Variants in ANKRD30BL observed in about 807,000 individuals in gnomAD.
ANKRD30BL encodes the protein putative ankyrin repeat domain-containing protein 30B-like.
Under a neutral mutation model 18.4 loss-of-function variants are expected in ANKRD30BL, and 20 were observed. That is an observed-to-expected ratio of 1.09 (90% confidence interval 0.77 to 1.58). The LOEUF is 1.58. Ranked by LOEUF, ANKRD30BL falls within the 40% of genes most tolerant of loss-of-function variation. ANKRD30BL has a pLI of 0.00. For synonymous variants in ANKRD30BL, 72 were observed against 100.9 expected (o/e 0.71, Z 1.72); for missense variants, 224 against 268.6 (o/e 0.83, Z 1.16).
chr2:132,158,641 C>A (rs1687975204), intron 1 of ANKRD30BL, among the ~76,000 whole-genome samples: 1 of 150,784 alleles, frequency 6.6e-6, no homozygotes, highest in Non-Finnish European at 1.5e-5. Flanking sequence ...ATTCAGCTTA[C>A]ATGTGATAAA....
chr2:132,199,821 C>G (rs1466950970), intron 1 of ANKRD30BL, among the ~76,000 whole-genome samples: 1 of 151,868 alleles, frequency 6.6e-6, no homozygotes, highest in East Asian at 1.9e-4. Flanking sequence ...AGATTTTGAG[C>G]CTTTAAAGAG....
intron 1 of ANKRD30BL, among the ~76,000 whole-genome samples, chr2:132,241,818 G>C (rs200469169): frequency 2.0e-5 from 3 of 151,386 alleles, no homozygotes; most frequent in African/African-American, 7.3e-5. Flanking sequence ...GTGGATATTT[G>C]GATAGCTTTG....
intron 1 of ANKRD30BL, among the ~76,000 whole-genome samples, chr2:132,239,360 C>T (rs74351436): frequency 1.3e-5 from 2 of 152,038 alleles, no homozygotes; most frequent in Admixed American, 6.6e-5. Context: ...ATTCAACTCA[C>T]AGGGTTCAAC....
rs1436535284 is a variant in ANKRD30BL at position 132,161,634 on chromosome 2, C to T, written c.72G>A (p.Leu24=). The T allele has an allele frequency of 4.1e-6, 6 of 1,452,824 alleles. No homozygotes were observed. The highest frequency in any genetic ancestry group is 4.7e-6 in the Non-Finnish European group (5 of 1,059,928). The allele number at this position is 1,452,824 out of a possible 1,614,324, so 90.0% of individuals were successfully genotyped here. A position where few individuals can be genotyped will look rare whatever the true frequency, so the allele number is the denominator to read the frequency against. Residue 24 remains leucine (L), a synonymous_variant, in exon 1 of 6, where the codon CTG becomes CTA. Coordinates refer to ENST00000409867, the MANE Select transcript of ANKRD30BL (RefSeq NM_001358416.1). The stretch of plus-strand genomic sequence containing the variant: ...CGTAAGAGTCGTTGTTGGTGTAGAC[C>T]AGCTGACTGAAGGGGCTCGGGCGCT... ...GPERPSPFSQ[L]VYTNNDSYVI...
rs540025272 is a variant in ANKRD30BL at position 132,148,669 on chromosome 2, C to T, written c.680-441G>A. Among the ~76,000 whole-genome samples the T allele has an allele frequency of 3.9e-4, 60 of 152,128 alleles. No individual in the cohort carries two copies. In the South Asian group the frequency reaches 0.012, roughly 32 times the overall value. ...ACAGGAGTGAGCCACCGCTCCTGGA[C>T]ACTACCAAACTTTTTAAAGCTTTAA... On this transcript the variant is annotated intron_variant, in intron 5 of 5. Coordinates refer to ENST00000409867, the MANE Select transcript of ANKRD30BL (RefSeq NM_001358416.1).
intron 1 of ANKRD30BL, among the ~76,000 whole-genome samples, chr2:132,210,318 G>A (rs1380329616): frequency 2.0e-5 from 3 of 152,052 alleles, no homozygotes; most frequent in Non-Finnish European, 4.4e-5. Flanking sequence ...TGTAGAATCT[G>A]CAAGTGGATA....
chr2:132,171,147 T>G (rs1193983114), intron 1 of ANKRD30BL, among the ~76,000 whole-genome samples: 1 of 115,072 alleles, frequency 8.7e-6, no homozygotes, highest in Non-Finnish European at 1.7e-5. Context: ...AGAGCCAGAC[T>G]CTGTCTCAAA....
chr2:132,246,752 A>C (rs148745145), intron 1 of ANKRD30BL, among the ~76,000 whole-genome samples: 1 of 151,918 alleles, frequency 6.6e-6, no homozygotes, highest in African/African-American at 2.4e-5. Context: ...CCTTTTGTGG[A>C]ATCTGTAATT....
chr2:132,161,414 C>A, intron 1 of ANKRD30BL, 74 bp downstream of exon 1: 4 of 1,352,438 alleles, frequency 3.0e-6, no homozygotes, highest in Non-Finnish European at 4.1e-6. Context: ...GACCCCCAGG[C>A]CCCACTCTGA....
chr2:132,160,293 G>C (rs947131408), intron 1 of ANKRD30BL, among the ~76,000 whole-genome samples: 1 of 150,724 alleles, frequency 6.6e-6, no homozygotes, highest in African/African-American at 2.4e-5. Context: ...TAGATTTGAG[G>C]TTTCACTATA....
At chr2:132,190,071 T>G (rs1035113029) in intron 1 of ANKRD30BL, among the ~76,000 whole-genome samples, 4 of 152,040 alleles carry the variant, frequency 2.6e-5, no homozygotes, top group Non-Finnish European at 5.9e-5. Flanking sequence ...TATTCTCACC[T>G]TTGAGTATCT....
chr2:132,252,388 C>A (rs79155285), intron 1 of ANKRD30BL, among the ~76,000 whole-genome samples: 2 of 152,236 alleles, frequency 1.3e-5, no homozygotes, highest in Non-Finnish European at 2.9e-5. Context: ...CCAGAGCTGG[C>A]GGTGGGCACA....
intron 1 of ANKRD30BL, among the ~76,000 whole-genome samples, chr2:132,221,046 C>T (rs1388097757): frequency 0.036 from 5,307 of 147,954 alleles, 68 homozygotes; most frequent in African/African-American, 0.13. Flanking sequence ...CGCCTCTGCC[C>T]GGCCGCCCCG....
At chr2:132,222,958 G>T (rs955200779) in intron 1 of ANKRD30BL, among the ~76,000 whole-genome samples, 1 of 148,928 alleles carries the variant, frequency 6.7e-6, no homozygotes, top group South Asian at 2.2e-4. Flanking sequence ...AAACTAGACA[G>T]AAGTATTCTC....
chr2:132,202,322 A>T (rs924043150), intron 1 of ANKRD30BL, among the ~76,000 whole-genome samples: 5 of 149,096 alleles, frequency 3.4e-5, no homozygotes, highest in African/African-American at 1.2e-4. Context: ...TCACCAAAAA[A>T]ATAAATAAAT....
intron 1 of ANKRD30BL, among the ~76,000 whole-genome samples, chr2:132,231,016 C>T (rs1679995155): frequency 6.6e-6 from 1 of 152,074 alleles, no homozygotes; most frequent in African/African-American, 2.4e-5. Flanking sequence ...GAAGATTTCT[C>T]AGAAACTTTT....
intron 1 of ANKRD30BL, among the ~76,000 whole-genome samples, chr2:132,171,806 C>T (rs549869971): frequency 1.3e-5 from 2 of 152,080 alleles, no homozygotes; most frequent in African/African-American, 4.8e-5. Context: ...AATTGCACAA[C>T]CTTTACCACC....
At chr2:132,187,526 G>A (rs1558924685) in intron 1 of ANKRD30BL, among the ~76,000 whole-genome samples, 1 of 151,800 alleles carries the variant, frequency 6.6e-6, no homozygotes, top group African/African-American at 2.4e-5. Context: ...GTGTTAGCAA[G>A]GATGGTCTCG....
chr2:132,234,263 C>G, intron 1 of ANKRD30BL, among the ~76,000 whole-genome samples: 1 of 152,052 alleles, frequency 6.6e-6, no homozygotes, highest in South Asian at 2.1e-4. Context: ...ACCCTAACAT[C>G]ACAATTAAAA....
Sources: allele counts gnomAD v4.1 joint callset (sites outside exome capture counted in the v4.1 genomes callset), GRCh38; gene constraint gnomAD v4.1.1; transcripts MANE v1.5; gene names NCBI Gene and HGNC (gene_info 2026-07-23, HGNC 2026-07-21).